SRRM4: variants seen among roughly 807,000 people sequenced by gnomAD.
SRRM4 encodes serine/arginine repetitive matrix 4.
A neutral mutation model predicts 68.9 loss-of-function variants in SRRM4; 33 were observed. The ratio of observed to expected loss-of-function variants is 0.48; its 90% CI spans 0.36 to 0.64. The LOEUF (loss-of-function observed/expected upper bound fraction) is 0.64, where lower values mean the gene tolerates loss of function less well. Among genes scored for constraint, SRRM4 ranks in the 30% least tolerant of loss-of-function variants. SRRM4 has a pLI of 0.00. For missense variants in SRRM4, 817 were observed against 827.1 expected, an observed-to-expected ratio of 0.99 and a Z score of 0.15; for synonymous variants, 318 against 318.8, an observed-to-expected ratio of 1.00 and a Z score of 0.03.
At chr12:119,046,790 T>C (rs527693607) in intron 1 of SRRM4, among the ~76,000 whole-genome samples, 1 of 152,294 alleles carries the variant, frequency 6.6e-6, no homozygotes, top group African/African-American at 2.4e-5. Context: ...AATTTGGTCT[T>C]CTATTTCACA....
At chr12:119,057,179 T>A (rs1248115544) in intron 1 of SRRM4, among the ~76,000 whole-genome samples, 1 of 152,176 alleles carries the variant, frequency 6.6e-6, no homozygotes, top group Non-Finnish European at 1.5e-5. Flanking sequence ...ATAGTTGGGT[T>A]TTTTTCTTCA....
intron 1 of SRRM4, among the ~76,000 whole-genome samples, chr12:119,026,767 C>T (rs1169754136): frequency 6.6e-6 from 1 of 151,910 alleles, no homozygotes; most frequent in Non-Finnish European, 1.5e-5. Flanking sequence ...GCCAGGCTGA[C>T]CTCAAGTGAT....
At chr12:119,098,011 C>T (rs1954055900) in intron 1 of SRRM4, among the ~76,000 whole-genome samples, 1 of 152,174 alleles carries the variant, frequency 6.6e-6, no homozygotes, top group African/African-American at 2.4e-5. Flanking sequence ...TATGTGTCTC[C>T]ACCTTGACAT....
chr12:119,077,344 T>A (rs146724015), intron 1 of SRRM4, among the ~76,000 whole-genome samples: 2 of 152,290 alleles, frequency 1.3e-5, no homozygotes, highest in Admixed American at 1.3e-4. Context: ...AAGTGATCCA[T>A]GGGCCACACT....
intron 1 of SRRM4, among the ~76,000 whole-genome samples, chr12:118,997,176 G>A (rs763330964): frequency 2.0e-5 from 3 of 152,362 alleles, no homozygotes; most frequent in East Asian, 1.9e-4. Context: ...CCCCAGAGGG[G>A]CATGAACTGA....
chr12:119,073,302 T>C (rs1366506908), intron 1 of SRRM4, among the ~76,000 whole-genome samples: 2 of 112,900 alleles, frequency 1.8e-5, no homozygotes, highest in East Asian at 5.0e-4. Flanking sequence ...TATTTCTCTC[T>C]CTCTCTCCTC....
chr12:118,990,527 G>C (rs148299787), intron 1 of SRRM4, among the ~76,000 whole-genome samples: 1 of 152,338 alleles, frequency 6.6e-6, no homozygotes, highest in East Asian at 1.9e-4. Context: ...CTGATTGCTA[G>C]TATATTCTTC....
In SRRM4 at chr12:119,156,606, C is replaced by T. The variant is rs774873977; in HGVS notation, c.1644C>T (p.Ser548=). ...SSSSSRSASR[S]YSRSRSRSRS... ...GCAGTAGCCGCTCGGCCAGCCGCAG[C>T]TACTCCCGGAGCCGGAGTCGGAGCC... The change falls in exon 13 of 13, where the codon AGC becomes AGT. Residue 548 remains serine (S), a synonymous_variant. Transcript: ENST00000267260. The T allele has an allele frequency of 2.5e-6, 4 of 1,610,876 alleles. No individual in the cohort carries two copies. Among genetic ancestry groups the T allele is most frequent in the South Asian group, 2.2e-5 (2 of 90,734 alleles).
rs139094135 is a variant in SRRM4, at chr12:119,139,746, C to T, written c.772-5635C>T. Among the ~76,000 whole-genome samples the T allele has an allele frequency of 4.9e-4, 74 of 152,274 alleles. 1 individual carries two copies. In the East Asian group the frequency reaches 0.014, roughly 28 times the overall value. ...GGCAGATCAAAACCCCCCTGCCCTC[C>T]ATTTACTAAGCTCTGAATACAGATG... On this transcript the variant is annotated intron_variant, in intron 8 of 12. Coordinates refer to ENST00000267260, the MANE Select transcript of SRRM4 (RefSeq NM_194286.4).
intron 1 of SRRM4, among the ~76,000 whole-genome samples, chr12:119,066,663 G>A (rs1411790064): frequency 1.3e-5 from 2 of 152,222 alleles, no homozygotes; most frequent in Non-Finnish European, 2.9e-5. Flanking sequence ...TAGGTTTCAA[G>A]GATGTGTTTA....
rs764566307 is a variant in SRRM4 at position 119,154,253 on chromosome 12, C to G, written c.1402C>G (p.Pro468Ala). ...CCCGCGCCCCTTCAGGGAGCGGGAT[C>G]CCAAATACAGTGAGAAGGACTCGCA... ...SRYSPSRERD[P>A]KYSEKDSQQR... is the part of the protein sequence containing the mutation. The change falls in exon 12 of 13, where the codon CCC becomes GCC. Residue 468 changes from proline to alanine, a missense_variant. Coordinates refer to ENST00000267260, the MANE Select transcript of SRRM4 (RefSeq NM_194286.4). This position sits in a 1 kb window ranked among gnomAD's most constrained non-coding sequence, Gnocchi z 4.7. The G allele has an allele frequency of 4.4e-6, 7 of 1,606,280 alleles. No homozygotes were observed. Among genetic ancestry groups the G allele is most frequent in the Non-Finnish European group, 6.0e-6 (7 of 1,176,258 alleles).
At chr12:119,047,769 G>A (rs1460895474) in intron 1 of SRRM4, among the ~76,000 whole-genome samples, 1 of 152,128 alleles carries the variant, frequency 6.6e-6, no homozygotes, top group African/African-American at 2.4e-5. Context: ...GCCTAAGCCT[G>A]GAGCTGGTAC....
Position 118,981,661 on chromosome 12 carries a change from G to A in SRRM4, c.-222G>A, listed in dbSNP as rs530574001. On this transcript the variant is annotated 5_prime_UTR_variant, in exon 1 of 13. Transcript: ENST00000267260. ...CCAGCTCAGAGCGCAGCCTGGAGCC[G>A]ACCCAGAAGGGCGAAGAAAGCCCAG... 2.9e-5 allele frequency: 16 copies of A among 544,760 alleles called. No homozygotes were observed. Among genetic ancestry groups the A allele is most frequent in the African/African-American group, 2.3e-4 (12 of 52,368 alleles). The allele number at this position is 544,760 out of a possible 1,614,324, so 33.7% of individuals were successfully genotyped here.
At chr12:119,035,235 T>C (rs1464063235) in intron 1 of SRRM4, among the ~76,000 whole-genome samples, 1 of 152,218 alleles carries the variant, frequency 6.6e-6, no homozygotes, top group Admixed American at 6.5e-5. Flanking sequence ...AAAACTGCAA[T>C]GTTTTTATTG....
intron 1 of SRRM4, chr12:118,989,916 T>C (rs2135988806): frequency 6.6e-6 from 1 of 152,342 alleles, no homozygotes; most frequent in East Asian, 1.9e-4. Context: ...TAGAAGACAG[T>C]TGCCACTTCT....
chr12:118,994,707 C>T (rs1953338307), intron 1 of SRRM4, among the ~76,000 whole-genome samples: 1 of 152,210 alleles, frequency 6.6e-6, no homozygotes, highest in Admixed American at 6.5e-5. Context: ...TCAGCAAATC[C>T]CTTCACTACC....
At chr12:119,102,890 A>T (rs4766926) in intron 2 of SRRM4, among the ~76,000 whole-genome samples, 107,420 of 152,026 alleles carry the variant, frequency 0.71, 38,321 homozygotes, top group Middle Eastern at 0.78. Context: ...CTAGCACACA[A>T]ATGCAGAGAG....
chr12:119,036,148 G>A (rs1953625619), intron 1 of SRRM4, among the ~76,000 whole-genome samples: 1 of 152,186 alleles, frequency 6.6e-6, no homozygotes, highest in African/African-American at 2.4e-5. Flanking sequence ...GGGGAAGCTA[G>A]AAGTGGTGTC....
Position 118,981,894 on chromosome 12 carries a change from T to C in SRRM4, c.12T>C (p.Val4=), listed in dbSNP as rs1271769788. Residue 4 remains valine (V), a synonymous_variant, in exon 1 of 13, where the codon GTT becomes GTC. Transcript: ENST00000267260. MAS[V]QQGEKQLFEK... ...CCTTTGGGTTGGCGATGGCGAGCGT[T>C]CAGCAAGGCGAGAAGCAGCTTTTTG... 1 of 1,613,626 alleles carries C rather than the reference T, an allele frequency of 6.2e-7. No homozygotes were observed. Among genetic ancestry groups the C allele is most frequent in the Admixed American group, 1.7e-5 (1 of 59,992 alleles).
Sources: allele counts gnomAD v4.1 joint callset (sites outside exome capture counted in the v4.1 genomes callset), GRCh38; gene constraint gnomAD v4.1.1; non-coding constraint Gnocchi (gnomAD v3.1); transcripts MANE v1.5; gene names NCBI Gene and HGNC (gene_info 2026-07-23, HGNC 2026-07-21).